Variants in BTBD9 observed in about 807,000 individuals in gnomAD.
BTBD9 encodes the protein BTB domain containing 9, also known as BTB/POZ domain-containing protein 9.
A neutral mutation model predicts 64.3 loss-of-function variants in BTBD9; 49 were observed. That is an observed-to-expected ratio of 0.76 (90% confidence interval 0.61 to 0.97). BTBD9 has a LOEUF of 0.97. Among genes scored for constraint, BTBD9 ranks in the 50% least tolerant of loss-of-function variants. The pLI, the probability that BTBD9 is intolerant of heterozygous loss-of-function variation, is 0.00. For synonymous variants in BTBD9, 260 were observed against 274.7 expected (o/e 0.95, Z 0.53); for missense variants, 598 against 762.1 (o/e 0.78, Z 2.53).
chr6:38,597,408 G>T (rs1777081485), intron 2 of BTBD9, among the ~76,000 whole-genome samples: 1 of 152,186 alleles, frequency 6.6e-6, no homozygotes, highest in Non-Finnish European at 1.5e-5. Context: ...AGTAGTTAAA[G>T]ATCAGCTTAA....
chr6:38,490,490 T>A (rs1371340582), intron 6 of BTBD9, among the ~76,000 whole-genome samples: 1 of 151,954 alleles, frequency 6.6e-6, no homozygotes, highest in African/African-American at 2.4e-5. Flanking sequence ...CTGGCTAATT[T>A]TTGTATTTTT....
Position 38,634,864 on chromosome 6 carries a change from G to A in BTBD9, c.-28+4936C>T, listed in dbSNP as rs931178798. Among the ~76,000 whole-genome samples the A allele has an allele frequency of 2.6e-4, 39 of 152,278 alleles. 1 individual carries two copies. Among genetic ancestry groups the A allele is most frequent in the African/African-American group, 2.4e-5 (1 of 41,564 alleles). On this transcript the variant is annotated intron_variant, in intron 1 of 10. Transcript: ENST00000481247. ...AAAATAAGAATGAGATAAGCTCTAC[G>A]AAATTGGAAATCAGACTGGTAGACC...
At chr6:38,175,244 G>C in intron 10 of BTBD9, 62 bp from the exon 11 acceptor site, 1 of 1,566,398 alleles carries the variant, frequency 6.4e-7, no homozygotes, top group Non-Finnish European at 8.7e-7. Flanking sequence ...TGGAGTTGCC[G>C]CAAGTTGGGA....
chr6:38,452,545 T>A (rs1769605858), intron 6 of BTBD9, among the ~76,000 whole-genome samples: 2 of 151,858 alleles, frequency 1.3e-5, no homozygotes, highest in African/African-American at 4.8e-5. Context: ...CATAATGCTC[T>A]GCATTAGGAT....
chr6:38,210,338 CT>C (rs890531818), intron 9 of BTBD9, among the ~76,000 whole-genome samples: 1 of 152,124 alleles, frequency 6.6e-6, no homozygotes, highest in Non-Finnish European at 1.5e-5. Context: ...TCACTTAGAA[CT>C]TCCTGCAACA....
intron 6 of BTBD9, among the ~76,000 whole-genome samples, chr6:38,564,013 A>G (rs563970261): frequency 6.6e-6 from 1 of 151,240 alleles, no homozygotes; most frequent in South Asian, 2.1e-4. Flanking sequence ...CAATCTCCTG[A>G]CCTTGTGATC....
At position 38,564,246 on chromosome 6, in the gene BTBD9, C is replaced by A. The variant is rs1269740662; in HGVS notation, c.1154+13354G>T. 2.6e-5 allele frequency among the ~76,000 whole-genome samples: 4 copies of A among 152,258 alleles called. No individual in the cohort carries two copies. In the East Asian group the frequency reaches 7.7e-4, roughly 29 times the overall value. ...AGCTTTCTTTCTTTACTTGTCATTA[C>A]TGTGTTTAATATCTGACTCTCCTAC... On this transcript the variant is annotated intron_variant, in intron 6 of 10. Coordinates refer to ENST00000481247, the MANE Select transcript of BTBD9 (RefSeq NM_001099272.2).
chr6:38,610,723 G>GT (rs1562417204), intron 1 of BTBD9, among the ~76,000 whole-genome samples: 1 of 152,112 alleles, frequency 6.6e-6, no homozygotes, highest in African/African-American at 2.4e-5. Context: ...CTCTAAAACT[G>GT]TAACAAAATC....
intron 6 of BTBD9, among the ~76,000 whole-genome samples, chr6:38,556,078 G>A (rs1562334705): frequency 6.6e-6 from 1 of 152,098 alleles, no homozygotes; most frequent in Non-Finnish European, 1.5e-5. Flanking sequence ...TGCAAGGCTC[G>A]AGGTAATGAA....
At chr6:38,287,839 C>T (rs1035179789) in intron 8 of BTBD9, among the ~76,000 whole-genome samples, 11 of 152,170 alleles carry the variant, frequency 7.2e-5, no homozygotes, top group African/African-American at 2.7e-4. Flanking sequence ...AAAGGAACAA[C>T]AAAAAGCCCA....
At chr6:38,468,374 T>C (rs1256758657) in intron 6 of BTBD9, among the ~76,000 whole-genome samples, 1 of 152,226 alleles carries the variant, frequency 6.6e-6, no homozygotes, top group Non-Finnish European at 1.5e-5. Context: ...GCAGCCAAAC[T>C]GAAGCACTTG....
rs57040303 is a variant in BTBD9 at position 38,368,336 on chromosome 6, T to C, written c.1155-23243A>G. Among the ~76,000 whole-genome samples the C allele has an allele frequency of 6.4e-3, 974 of 152,190 alleles. 12 individuals are homozygous for C. Among genetic ancestry groups the C allele is most frequent in the African/African-American group, 0.022 (902 of 41,528 alleles). On this transcript the variant is annotated intron_variant, in intron 6 of 10. Transcript: ENST00000481247. ...GCGCTATACTAGAGCTCCTTTACCC[T>C]TTTTTTAGGGGGCGGGGGAATGGAG...
intron 6 of BTBD9, among the ~76,000 whole-genome samples, chr6:38,347,256 T>C (rs898680043): frequency 6.6e-6 from 1 of 152,220 alleles, no homozygotes; most frequent in East Asian, 1.9e-4. Context: ...TATACCCTTA[T>C]GATAGTATTT....
intron 6 of BTBD9, among the ~76,000 whole-genome samples, chr6:38,530,766 A>C (rs1429144999): frequency 6.6e-6 from 1 of 152,042 alleles, no homozygotes; most frequent in Non-Finnish European, 1.5e-5. Context: ...ATTCTACCAG[A>C]TAAATTTAAT....
chr6:38,229,924 G>C (rs1253882602), intron 9 of BTBD9, among the ~76,000 whole-genome samples: 2 of 152,166 alleles, frequency 1.3e-5, no homozygotes, highest in Non-Finnish European at 2.9e-5. Context: ...TCAGGGCATT[G>C]ATAAAAAGAG....
intron 6 of BTBD9, among the ~76,000 whole-genome samples, chr6:38,465,290 C>G (rs542750018): frequency 6.6e-6 from 1 of 150,410 alleles, no homozygotes; most frequent in Non-Finnish European, 1.5e-5. Flanking sequence ...TAGAGACTGT[C>G]GCAAAAAAAC....
At chr6:38,614,015 G>A (rs1777706281) in intron 1 of BTBD9, among the ~76,000 whole-genome samples, 1 of 152,094 alleles carries the variant, frequency 6.6e-6, no homozygotes. Flanking sequence ...TGCTGGTGAG[G>A]AGCCCTCCTG....
At chr6:38,232,179 G>A (rs188245078) in intron 9 of BTBD9, among the ~76,000 whole-genome samples, 4 of 152,204 alleles carry the variant, frequency 2.6e-5, no homozygotes, top group South Asian at 2.1e-4. Flanking sequence ...AGGGCCTTCC[G>A]ACTGCACAGA....
chr6:38,274,335 T>A (rs559794247), intron 8 of BTBD9, among the ~76,000 whole-genome samples: 27 of 152,308 alleles, frequency 1.8e-4, no homozygotes, highest in Admixed American at 1.7e-3. Flanking sequence ...ACAGGGACAA[T>A]TTGACTTCCT....
Sources: allele counts gnomAD v4.1 joint callset (sites outside exome capture counted in the v4.1 genomes callset), GRCh38; gene constraint gnomAD v4.1.1; transcripts MANE v1.5; gene names NCBI Gene and HGNC (gene_info 2026-07-23, HGNC 2026-07-21).